RIMS2: variants seen among roughly 807,000 people sequenced by gnomAD.
RIMS2 encodes the protein regulating synaptic membrane exocytosis 2, also known as regulating synaptic membrane exocytosis protein 2.
Under a neutral mutation model 174.4 loss-of-function variants are expected in RIMS2, and 59 were observed. The ratio of observed to expected loss-of-function variants is 0.34; its 90% CI spans 0.27 to 0.42. The LOEUF is 0.42. Ranked by LOEUF, RIMS2 falls within the 10% of genes least tolerant of loss-of-function variation. RIMS2 has a pLI of 1.00. For missense variants in RIMS2, 1,620 were observed against 1,666.3 expected (o/e 0.97, Z 0.48); for synonymous variants, 606 against 572.5 (o/e 1.06, Z -0.84).
At chr8:103,819,435 G>T in intron 3 of RIMS2, 1 of 1,592,186 alleles carries the variant, frequency 6.3e-7, no homozygotes, top group Non-Finnish European at 8.5e-7. Context: ...TTATTTGATG[G>T]TGTCAGCAAA....
At chr8:103,894,603 T>G (rs1565169559) in intron 4 of RIMS2, among the ~76,000 whole-genome samples, 1 of 151,654 alleles carries the variant, frequency 6.6e-6, no homozygotes. Context: ...ATCAAATACC[T>G]CTTATTACAG....
intron 3 of RIMS2, among the ~76,000 whole-genome samples, chr8:103,875,456 T>G (rs369678492): frequency 2.0e-4 from 30 of 152,140 alleles, no homozygotes; most frequent in African/African-American, 6.5e-4. Flanking sequence ...TATATTTTAT[T>G]GCTGAGTAGT....
intron 19 of RIMS2, among the ~76,000 whole-genome samples, chr8:104,031,970 G>A (rs1204523696): frequency 6.6e-6 from 1 of 151,790 alleles, no homozygotes; most frequent in Non-Finnish European, 1.5e-5. Flanking sequence ...CATATTTTGG[G>A]AAAAAATATA....
intron 3 of RIMS2, among the ~76,000 whole-genome samples, chr8:103,832,112 T>C (rs1395418422): frequency 6.6e-6 from 1 of 152,212 alleles, no homozygotes; most frequent in Non-Finnish European, 1.5e-5. Context: ...ACTGTTTCTC[T>C]AGTGTGTCTT....
chr8:103,898,561 C>G (rs934572093), intron 4 of RIMS2, among the ~76,000 whole-genome samples: 5 of 151,240 alleles, frequency 3.3e-5, no homozygotes, highest in African/African-American at 1.2e-4. Context: ...ATCAATGCAC[C>G]TGCTTTTTTA....
intron 1 of RIMS2, among the ~76,000 whole-genome samples, chr8:103,626,966 T>G (rs1324303652): frequency 6.6e-6 from 1 of 152,152 alleles, no homozygotes; most frequent in East Asian, 1.9e-4. Context: ...GATAAACATC[T>G]TAACAGGAAA....
chr8:103,890,873 G>A (rs1035334385), intron 4 of RIMS2, among the ~76,000 whole-genome samples: 1 of 151,866 alleles, frequency 6.6e-6, no homozygotes, highest in African/African-American at 2.4e-5. Context: ...GTAGTCTATA[G>A]CAGGTTTCTC....
At chr8:103,940,154 G>T (rs898575926) in intron 13 of RIMS2, among the ~76,000 whole-genome samples, 32 of 152,008 alleles carry the variant, frequency 2.1e-4, no homozygotes, top group Admixed American at 1.6e-3. Context: ...TCGTTTTCAT[G>T]CTGCTGATAA....
intron 3 of RIMS2, among the ~76,000 whole-genome samples, chr8:103,792,137 C>A (rs1479460792): frequency 6.6e-6 from 1 of 152,164 alleles, no homozygotes; most frequent in African/African-American, 2.4e-5. Flanking sequence ...AGCACCACAT[C>A]GCACTTATTC....
chr8:104,000,296 G>A (rs1445836135), intron 17 of RIMS2, among the ~76,000 whole-genome samples: 2 of 151,644 alleles, frequency 1.3e-5, no homozygotes, highest in Non-Finnish European at 3.0e-5. Flanking sequence ...GTGGAAACAT[G>A]CAATATTTGT....
intron 1 of RIMS2, among the ~76,000 whole-genome samples, chr8:103,661,904 TA>T (rs2096606006): frequency 2.6e-5 from 4 of 152,222 alleles, no homozygotes; most frequent in Admixed American, 2.6e-4. Flanking sequence ...TGATTTGTTC[TA>T]AAATACAATT....
At chr8:103,734,140 G>T (rs2097651647) in intron 2 of RIMS2, among the ~76,000 whole-genome samples, 1 of 146,862 alleles carries the variant, frequency 6.8e-6, no homozygotes. Flanking sequence ...AGCCTCCCAA[G>T]TAGCTGGGGC....
Position 104,242,351 on chromosome 8 carries a change from C to A in RIMS2, c.3335-2565C>A, listed in dbSNP as rs1488471929. On this transcript the variant is annotated intron_variant, in intron 19 of 23. Coordinates refer to ENST00000504942, the Ensembl canonical transcript of RIMS2. The stretch of plus-strand genomic sequence containing the variant: ...ATTCTTTATAATACGTGTCATTATG[C>A]ACCTTAAAAAATAACAATTTTCTAA... Among the ~76,000 whole-genome samples the A allele has an allele frequency of 3.9e-5, 6 of 152,060 alleles. No individual in the cohort carries two copies. In the East Asian group the frequency reaches 1.2e-3, roughly 29 times the overall value.
chr8:103,835,390 C>T (rs1363714840), intron 3 of RIMS2, among the ~76,000 whole-genome samples: 3 of 151,878 alleles, frequency 2.0e-5, no homozygotes, highest in African/African-American at 4.8e-5. Flanking sequence ...CATGAGCCAC[C>T]GTGCCTGGCC....
chr8:104,046,313 C>G (rs911759491), intron 19 of RIMS2, among the ~76,000 whole-genome samples: 2 of 151,974 alleles, frequency 1.3e-5, no homozygotes, highest in Non-Finnish European at 2.9e-5. Context: ...CCCTCATGAC[C>G]TAATTACCCA....
At chr8:103,892,149 T>G (rs921284551) in intron 4 of RIMS2, among the ~76,000 whole-genome samples, 1 of 151,862 alleles carries the variant, frequency 6.6e-6, no homozygotes, top group Non-Finnish European at 1.5e-5. Flanking sequence ...ACTCAAAAAT[T>G]TTTAGGACAA....
chr8:104,093,223 A>T (rs565351296), intron 19 of RIMS2, among the ~76,000 whole-genome samples: 1 of 152,036 alleles, frequency 6.6e-6, no homozygotes, highest in African/African-American at 2.4e-5. Flanking sequence ...GCTGTTTTGA[A>T]ACTATTTTAA....
rs187099545 is a variant in RIMS2 at position 103,953,562 on chromosome 8, G to T, written c.2702-7503G>T. On this transcript the variant is annotated intron_variant, in intron 14 of 23. Coordinates refer to ENST00000504942, the Ensembl canonical transcript of RIMS2. ...AGACAAGGAAATGCTGAGAGATTTT[G>T]TCACCACCAGGCCTGTCCTACGAGA... Among the ~76,000 whole-genome samples, 13 of 152,222 alleles carry T rather than the reference G, an allele frequency of 8.5e-5. No homozygotes were observed. The East Asian group carries it at 2.5e-3, about 29-fold the overall frequency.
At chr8:104,221,340 AT>A (rs1230535925) in intron 19 of RIMS2, among the ~76,000 whole-genome samples, 17 of 152,112 alleles carry the variant, frequency 1.1e-4, no homozygotes, top group Admixed American at 1.1e-3. Flanking sequence ...ACTGTATTGT[AT>A]TTTTTTAATT....
Sources: gnomAD v4.1 joint callset for allele counts (sites outside exome capture counted in the v4.1 genomes callset) on GRCh38, gnomAD v4.1.1 for gene constraint, MANE v1.5 for transcripts, NCBI Gene and HGNC (gene_info 2026-07-23, HGNC 2026-07-21) for gene names.